The following WWC2 variants were observed in gnomAD, a reference collection of about 807,000 sequenced individuals.
The protein encoded by WWC2 is WW and C2 domain containing 2.
A neutral mutation model predicts 138.5 loss-of-function variants in WWC2; 101 were observed. That is an observed-to-expected ratio of 0.73 (90% CI 0.62 to 0.86). WWC2 has a LOEUF of 0.86. WWC2 is among the 40% of genes least tolerant of loss of function. WWC2 has a pLI of 0.00. For missense variants in WWC2, 1,420 were observed against 1,419.4 expected (o/e 1.00, Z -0.01); for synonymous variants, 558 against 538.4 (o/e 1.04, Z -0.50).
At chr4:183,229,294 A>G (rs1736170886) in intron 4 of WWC2, among the ~76,000 whole-genome samples, 1 of 152,108 alleles carries the variant, frequency 6.6e-6, no homozygotes, top group Non-Finnish European at 1.5e-5. Flanking sequence ...ACATATATGA[A>G]TGTTCTTTGC....
At chr4:183,240,308 T>A in intron 5 of WWC2, 46 bp downstream of exon 5, 1 of 1,393,086 alleles carries the variant, frequency 7.2e-7, no homozygotes, top group Non-Finnish European at 9.7e-7. Context: ...GCTCCCTAAC[T>A]AGTATGAATA....
intron 1 of WWC2, among the ~76,000 whole-genome samples, chr4:183,111,787 T>C (rs1341030099): frequency 6.6e-6 from 1 of 151,624 alleles, no homozygotes; most frequent in African/African-American, 2.4e-5. Context: ...TCAATCTCCC[T>C]GGGCTCAGGT....
chr4:183,302,432 G>A (rs1018941449), intron 21 of WWC2, among the ~76,000 whole-genome samples: 2 of 152,142 alleles, frequency 1.3e-5, no homozygotes, highest in Middle Eastern at 3.2e-3. Flanking sequence ...TAGAAGCATC[G>A]CAATTGTGGG....
chr4:183,203,394 C>G (rs1460794027), intron 2 of WWC2: 1 of 151,790 alleles, frequency 6.6e-6, no homozygotes, highest in Non-Finnish European at 1.5e-5. Context: ...TTGTTTTTTT[C>G]TTCTTCCTCC....
At chr4:183,184,286 C>A (rs1580025626) in intron 1 of WWC2, among the ~76,000 whole-genome samples, 1 of 152,218 alleles carries the variant, frequency 6.6e-6, no homozygotes, top group East Asian at 1.9e-4. Context: ...GAGGTTCATC[C>A]ATATTGTAGC....
chr4:183,209,301 C>T (rs1394349969), intron 4 of WWC2, among the ~76,000 whole-genome samples: 1 of 152,108 alleles, frequency 6.6e-6, no homozygotes, highest in African/African-American at 2.4e-5. Context: ...CAGGCTAGCG[C>T]ACTGCAATCT....
intron 1 of WWC2, among the ~76,000 whole-genome samples, chr4:183,122,021 G>A (rs966001075): frequency 2.6e-5 from 4 of 151,904 alleles, no homozygotes; most frequent in South Asian, 2.1e-4. Context: ...TCCTGGCTTC[G>A]TGATCCGCCC....
chr4:183,282,591 G>T, intron 17 of WWC2, 117 bp from the exon 18 acceptor site: 1 of 1,037,150 alleles, frequency 9.6e-7, no homozygotes, highest in African/African-American at 1.6e-5. Flanking sequence ...CCAAAGAAAT[G>T]GCTTGGCTCA....
At chr4:183,241,713 G>A (rs1043485741) in intron 5 of WWC2, among the ~76,000 whole-genome samples, 2 of 151,898 alleles carry the variant, frequency 1.3e-5, no homozygotes, top group Admixed American at 6.6e-5. Context: ...GATAAACCAG[G>A]CAGAACTAGA....
chr4:183,311,472 G>C (rs546708867), intron 21 of WWC2, among the ~76,000 whole-genome samples: 1 of 152,280 alleles, frequency 6.6e-6, no homozygotes, highest in Admixed American at 6.5e-5. Flanking sequence ...GGGAACCCTC[G>C]GGGCAGAGCG....
chr4:183,193,665 G>A lies in WWC2; in HGVS notation c.198G>A (p.Gly66=). 6.2e-7 allele frequency: 1 copy of A among 1,613,812 alleles called. No homozygotes were observed. The highest frequency in any genetic ancestry group is 8.5e-7 in the Non-Finnish European group (1 of 1,179,866). Residue 66 remains glycine, a synonymous_variant, in exon 2 of 23, where the codon GGG becomes GGA. Coordinates refer to ENST00000403733, the MANE Select transcript of WWC2 (RefSeq NM_024949.6). ...GDELPWGWEA[G]FDPQIGVYYI... is the part of the protein sequence containing the mutation. ...AGCTGCCGTGGGGATGGGAAGCAGG[G>A]TTTGACCCTCAGATTGGTGTCTACT...
intron 1 of WWC2, among the ~76,000 whole-genome samples, chr4:183,164,292 ATATATATAC>A (rs1734049296): frequency 0.014 from 4 of 296 alleles, no homozygotes; most frequent in African/African-American, 0.017. Flanking sequence ...ATATATATAT[ATATATATAC>A]ATATATATAT....
At chr4:183,165,620 A>G (rs541715570) in intron 1 of WWC2, among the ~76,000 whole-genome samples, 33 of 152,318 alleles carry the variant, frequency 2.2e-4, no homozygotes, top group Non-Finnish European at 3.7e-4. Flanking sequence ...CATAAATGCT[A>G]CATACTTCTC....
At chr4:183,180,574 A>G (rs1239685053) in intron 1 of WWC2, among the ~76,000 whole-genome samples, 1 of 152,116 alleles carries the variant, frequency 6.6e-6, no homozygotes, top group Non-Finnish European at 1.5e-5. Flanking sequence ...CTAGAAGTGG[A>G]AACAATCCAT....
intron 4 of WWC2, among the ~76,000 whole-genome samples, chr4:183,218,730 G>T (rs746614246): frequency 4.6e-4 from 70 of 152,158 alleles, no homozygotes; most frequent in Non-Finnish European, 8.8e-4. Context: ...AGCTGGCAGT[G>T]CAGATGAAGT....
intron 2 of WWC2, among the ~76,000 whole-genome samples, chr4:183,204,166 A>C (rs1735381285): frequency 6.6e-6 from 1 of 152,164 alleles, no homozygotes. Context: ...TACAATTTCT[A>C]CCTCAGAGTT....
chr4:183,177,268 T>TA (rs1734494887), intron 1 of WWC2, among the ~76,000 whole-genome samples: 2 of 152,198 alleles, frequency 1.3e-5, no homozygotes, highest in Non-Finnish European at 2.9e-5. Context: ...TAGCTCGTAT[T>TA]ACATTGTCAA....
chr4:183,257,872 T>G (rs879911574), intron 9 of WWC2, among the ~76,000 whole-genome samples: 4 of 152,138 alleles, frequency 2.6e-5, no homozygotes, highest in Admixed American at 2.6e-4. Flanking sequence ...AGGGCTGATG[T>G]CTGCATTCTG....
chr4:183,259,645 A>T lies in WWC2; in HGVS notation c.1203A>T (p.Arg401Ser), dbSNP rs927960456. ...TAATTTTTTTTCTTCCTAGATTGAG[A>T]TTGGAAGAGAGAAGAAAAGAGCTGC... The part of the protein sequence containing the change: ...TPSRALAERL[R>S]LEERRKELLQ... The change falls in exon 10 of 23, where the codon AGA (arginine) becomes AGT (serine). Residue 401 changes from arginine to serine, a missense_variant. Arg to Ser is a moderately radical substitution (Grantham distance 110). Transcript: ENST00000403733. 3.3e-6 allele frequency: 5 copies of T among 1,533,594 alleles called. No homozygotes were observed. In the African/African-American group the frequency reaches 5.6e-5, roughly 17 times the overall value. 95.0% of individuals were successfully genotyped at this position (1,533,594 alleles called of 1,614,324 possible).
Sources: allele counts gnomAD v4.1 joint callset (sites outside exome capture counted in the v4.1 genomes callset), GRCh38; gene constraint gnomAD v4.1.1; transcripts MANE v1.5; gene names NCBI Gene and HGNC (gene_info 2026-07-23, HGNC 2026-07-21).